Variants in RP1 observed in about 807,000 individuals in gnomAD.
RP1 encodes oxygen-regulated protein 1.
Under a neutral mutation model 14.8 loss-of-function variants are expected in RP1, and 16 were observed. The observed-to-expected ratio is 1.08, with a 90% CI of 0.73 to 1.65. RP1 has a LOEUF of 1.65. Ranked by LOEUF, RP1 falls within the 40% of genes most tolerant of loss-of-function variation. The probability of loss-of-function intolerance (pLI) is 0.00; values close to 1 mark genes in which losing one functional copy is unlikely to be tolerated. For missense variants in RP1, 2,631 were observed against 2,535.0 expected, an observed-to-expected ratio of 1.04 and a Z score of -0.81; for synonymous variants, 876 against 883.6, an observed-to-expected ratio of 0.99 and a Z score of 0.15.
chr8:54,726,367 A>G, exon 17 of RP1: 4 of 1,527,366 alleles, frequency 2.6e-6, no homozygotes, highest in Non-Finnish European at 3.5e-6. Flanking sequence ...ACCCAATGGG[A>G]ATGTCTGCAA....
chr8:54,723,125 G>T (rs1356540930), intron 16 of RP1, among the ~76,000 whole-genome samples: 1 of 152,146 alleles, frequency 6.6e-6, no homozygotes, highest in Non-Finnish European at 1.5e-5. Context: ...TGGACCACCT[G>T]CCTCTGTTCT....
chr8:54,863,203 A>G (rs1812389119), intron 27 of RP1, among the ~76,000 whole-genome samples: 2 of 151,912 alleles, frequency 1.3e-5, no homozygotes, highest in South Asian at 4.1e-4. Context: ...CCTTTGCAAT[A>G]TTGCAGTGAA....
intron 5 of RP1, among the ~76,000 whole-genome samples, chr8:54,655,668 G>C (rs1806740095): frequency 1.3e-5 from 2 of 152,164 alleles, no homozygotes. Flanking sequence ...AATGACATAA[G>C]ATTTGGGAAG....
At chr8:54,727,625 G>A (rs1358924951) in intron 17 of RP1, among the ~76,000 whole-genome samples, 5 of 151,886 alleles carry the variant, frequency 3.3e-5, no homozygotes, top group Non-Finnish European at 7.4e-5. Flanking sequence ...TTGTAAAAAT[G>A]ACAAAATTAG....
chr8:54,568,016 C>CAG (rs1453934553), intron 1 of RP1, among the ~76,000 whole-genome samples: 1 of 152,182 alleles, frequency 6.6e-6, no homozygotes, highest in Non-Finnish European at 1.5e-5. Flanking sequence ...GGTGGACCTA[C>CAG]AGTGCTAAAA....
downstream of RP1, among the ~76,000 whole-genome samples, chr8:54,634,305 G>A (rs894908961): frequency 1.4e-4 from 21 of 152,102 alleles, no homozygotes; most frequent in Admixed American, 6.5e-4. Flanking sequence ...GCTGAAGGAA[G>A]AATTTAAAGT....
At chr8:54,835,962 T>A (rs1384418066) in intron 24 of RP1, among the ~76,000 whole-genome samples, 3 of 152,166 alleles carry the variant, frequency 2.0e-5, no homozygotes, top group Non-Finnish European at 4.4e-5. Flanking sequence ...ATTCCTATAA[T>A]CACATTGTTC....
At chr8:54,637,145 A>G (rs1266542411) in intron 3 of RP1, among the ~76,000 whole-genome samples, 1 of 152,200 alleles carries the variant, frequency 6.6e-6, no homozygotes, top group East Asian at 1.9e-4. Context: ...GTATCCTGCT[A>G]GGAACTTGTG....
chr8:54,839,672 C>T (rs1811745793), intron 25 of RP1, among the ~76,000 whole-genome samples: 1 of 152,124 alleles, frequency 6.6e-6, no homozygotes, highest in African/African-American at 2.4e-5. Context: ...GGCTTCTCTC[C>T]ACCAGCATCT....
chr8:54,721,192 T>C (rs1808527987), intron 16 of RP1, among the ~76,000 whole-genome samples: 1 of 152,260 alleles, frequency 6.6e-6, no homozygotes, highest in Admixed American at 6.5e-5. Context: ...TTTCAGCCTT[T>C]AGTTGCTTTT....
intron 24 of RP1, among the ~76,000 whole-genome samples, chr8:54,826,599 AT>A (rs11339491): frequency 0.32 from 47,935 of 152,068 alleles, 7,726 homozygotes; most frequent in South Asian, 0.37. Flanking sequence ...TTGCAGAAAT[AT>A]TTTTTACATC....
chr8:54,787,538 T>C (rs1810350662), intron 24 of RP1, among the ~76,000 whole-genome samples: 3 of 152,218 alleles, frequency 2.0e-5, no homozygotes, highest in African/African-American at 7.2e-5. Context: ...TATATTAATA[T>C]TATTTACTTA....
intron 24 of RP1, among the ~76,000 whole-genome samples, chr8:54,790,322 T>C (rs955609992): frequency 1.3e-5 from 2 of 152,222 alleles, no homozygotes; most frequent in Non-Finnish European, 2.9e-5. Context: ...AACTCCAGGC[T>C]GGGCTGATGG....
intron 24 of RP1, among the ~76,000 whole-genome samples, chr8:54,804,984 C>T (rs767806692): frequency 1.7e-4 from 26 of 152,142 alleles, no homozygotes; most frequent in South Asian, 6.2e-4. Flanking sequence ...AATACAGATG[C>T]TTGGGTTTCA....
At chr8:54,695,157 T>C (rs999829287) in intron 12 of RP1, among the ~76,000 whole-genome samples, 1 of 152,212 alleles carries the variant, frequency 6.6e-6, no homozygotes, top group Admixed American at 6.6e-5. Flanking sequence ...TCCTGAGTTC[T>C]AGTTTGATTG....
intron 27 of RP1, among the ~76,000 whole-genome samples, chr8:54,861,365 G>C (rs1812337901): frequency 6.6e-6 from 1 of 152,156 alleles, no homozygotes; most frequent in Non-Finnish European, 1.5e-5. Flanking sequence ...TAGTTTCTGT[G>C]CCTTGTAAAA....
At chr8:54,656,866 C>T (rs1806765047) in intron 6 of RP1, among the ~76,000 whole-genome samples, 1 of 150,916 alleles carries the variant, frequency 6.6e-6, no homozygotes. Context: ...TTTCTCCAAT[C>T]CAGACTATGT....
chr8:54,624,674 C>T lies in RP1; in HGVS notation c.792C>T (p.Ser264=), dbSNP rs185081719. 3.1e-6 allele frequency: 5 copies of T among 1,613,634 alleles called. No individual in the cohort carries two copies. In the African/African-American group the frequency reaches 5.3e-5, roughly 17 times the overall value. The change falls in exon 4 of 4, where the codon AGC becomes AGT. Residue 264 remains serine (S), a synonymous_variant. Transcript: ENST00000220676. The part of the protein sequence containing the change: ...GNAKSESRKI[S]THMSSSSRSQ... ...TTACTCTTAAAATCTTTAAAGTAAG[C>T]ACACATATGTCTTCAAGCTCAAGGT... is the stretch of plus-strand genomic sequence containing the variant.
chr8:54,806,435 T>C (rs1466147132), intron 24 of RP1, among the ~76,000 whole-genome samples: 1 of 152,128 alleles, frequency 6.6e-6, no homozygotes, highest in African/African-American at 2.4e-5. Flanking sequence ...CAAAAACCCA[T>C]CTCTCTTTAC....
Sources: gnomAD v4.1 joint callset for allele counts (sites outside exome capture counted in the v4.1 genomes callset) on GRCh38, gnomAD v4.1.1 for gene constraint, MANE v1.5 for transcripts, NCBI Gene and HGNC (gene_info 2026-07-23, HGNC 2026-07-21) for gene names.